SPTB: variants seen among roughly 807,000 people sequenced by gnomAD.
SPTB encodes the protein spectrin beta, erythrocytic, also known as spectrin beta chain, erythrocytic.
A neutral mutation model predicts 256.2 loss-of-function variants in SPTB; 45 were observed. The observed-to-expected ratio is 0.18, with a 90% CI of 0.14 to 0.23. The LOEUF (loss-of-function observed/expected upper bound fraction) is 0.23, where lower values mean the gene tolerates loss of function less well. SPTB is among the 10% of genes least tolerant of loss of function. The pLI is 1.00. For synonymous variants in SPTB, 1,231 were observed against 1,243.1 expected (o/e 0.99, Z 0.21); for missense variants, 2,715 against 3,040.4 (o/e 0.89, Z 2.52).
At chr14:64,773,056 GA>G in intron 25 of SPTB, 102 bp from the exon 26 acceptor site, 1 of 1,563,140 alleles carries the variant, frequency 6.4e-7, no homozygotes, top group South Asian at 1.1e-5. Context: ...GCAGCTCCGG[GA>G]GCTGCGCTGT....
chr14:64,749,239 GAGGCCA>G lies in SPTB; in HGVS notation c.*61_*66del, dbSNP rs1253763156. 1 of 1,522,948 alleles carries G rather than the reference GAGGCCA, an allele frequency of 6.6e-7. No individual in the cohort carries two copies. The highest frequency in any genetic ancestry group is 8.8e-7 in the Non-Finnish European group (1 of 1,136,108). The allele number at this position is 1,522,948 out of a possible 1,614,324, so 94.3% of individuals were successfully genotyped here. A position where few individuals can be genotyped will look rare whatever the true frequency, so the allele number is the denominator to read the frequency against. ...TTCGACCGGCGGGCGGCGGCGAGAG[GAGGCCA>G]AGGCCTGGGCTGCCCGGTCTCTGCG... On this transcript the variant is annotated 3_prime_UTR_variant, in exon 36 of 36. Transcript: ENST00000644917. This position sits in a 1 kb window ranked among gnomAD's most constrained non-coding sequence, Gnocchi z 4.7.
At chr14:64,803,258 A>G (rs2082921791) in intron 4 of SPTB, among the ~76,000 whole-genome samples, 1 of 152,124 alleles carries the variant, frequency 6.6e-6, no homozygotes, top group Non-Finnish European at 1.5e-5. Context: ...CTTCTACACA[A>G]TTTTTGCAAT....
intron 33 of SPTB, chr14:64,752,166 A>C: frequency 7.5e-7 from 1 of 1,336,366 alleles, no homozygotes; most frequent in Admixed American, 2.0e-5. Flanking sequence ...TTGGTGAGGG[A>C]ATCAAACTGA....
rs866497062 is a variant in SPTB at position 64,807,230 on chromosome 14, A to G, written c.149-2140T>C. Among the ~76,000 whole-genome samples the G allele has an allele frequency of 7.2e-5, 11 of 152,314 alleles. No individual in the cohort carries two copies. Among genetic ancestry groups the G allele is most frequent in the African/African-American group, 2.6e-4 (11 of 41,584 alleles). On this transcript the variant is annotated intron_variant, in intron 2 of 35. Transcript: ENST00000644917. The surrounding 1 kb of genome is among the most constrained non-coding windows in gnomAD (Gnocchi z 4.7). ...CCCCTTTAGAGGTAGGTGTCCCCCAAAGTGAAAGTATTTCTTCCTCCTTTT... is the reference window on the plus strand; with the variant it reads ...CCCCTTTAGAGGTAGGTGTCCCCCAGAGTGAAAGTATTTCTTCCTCCTTTT...
At chr14:64,828,660 G>A (rs2083408366) in intron 1 of SPTB, among the ~76,000 whole-genome samples, 1 of 152,176 alleles carries the variant, frequency 6.6e-6, no homozygotes, top group Admixed American at 6.5e-5. Flanking sequence ...TTGTGACCCA[G>A]TCCTACCTCC....
Position 64,775,374 on chromosome 14 carries a change from C to T in SPTB, c.4593G>A (p.Thr1531=), listed in dbSNP as rs748749098. The T allele has an allele frequency of 6.8e-6, 11 of 1,612,784 alleles. No homozygotes were observed. Among genetic ancestry groups the T allele is most frequent in the South Asian group, 4.4e-5 (4 of 91,034 alleles). Residue 1531 remains threonine (T), a synonymous_variant, in exon 23 of 36, where the codon ACG becomes ACA. Transcript: ENST00000644917. This position sits in a 1 kb window ranked among gnomAD's most constrained non-coding sequence, Gnocchi z 5.0. ...TCTGCAGCACATCCTCAACCCGCGGCGTATGGCCCAGAATCTCATTCTGCA... is the reference window on the plus strand; with the variant it reads ...TCTGCAGCACATCCTCAACCCGCGGTGTATGGCCCAGAATCTCATTCTGCA... ...QTLQNEILGH[T]PRVEDVLQRG...
At chr14:64,767,412 CG>C in intron 30 of SPTB, 60 bp from the exon 31 acceptor site, 1 of 1,607,344 alleles carries the variant, frequency 6.2e-7, no homozygotes, top group Non-Finnish European at 8.5e-7. Context: ...TGTTCTCAGA[CG>C]ATCTCCCTCT....
In SPTB at chr14:64,782,270, T is replaced by A. The variant is rs926115205; in HGVS notation, c.4266+20A>T. On this transcript the variant is annotated intron_variant, in intron 20 of 35. Coordinates refer to ENST00000644917, the MANE Select transcript of SPTB (RefSeq NM_001355436.2). The stretch of plus-strand genomic sequence containing the variant: ...ATCCCTTCTATCCTAACACTCTGAG[T>A]CTACAACCCACTCACGTGCCTTCAG... 1.2e-6 allele frequency: 2 copies of A among 1,613,952 alleles called. No individual in the cohort carries two copies. Among genetic ancestry groups the A allele is most frequent in the East Asian group, 2.2e-5 (1 of 44,898 alleles).
At chr14:64,855,473 T>C (rs1292000172) in intron 1 of SPTB, among the ~76,000 whole-genome samples, 1 of 152,204 alleles carries the variant, frequency 6.6e-6, no homozygotes, top group Non-Finnish European at 1.5e-5. Context: ...CAAATATTCA[T>C]CATCCCTTGT....
chr14:64,765,816 GTGTGAGTGTGTGTGTGT>G (rs2082162735), intron 32 of SPTB, among the ~76,000 whole-genome samples: 2 of 143,736 alleles, frequency 1.4e-5, no homozygotes, highest in African/African-American at 5.5e-5. Context: ...GTGTGTGTGT[GTGTGAGTGTGTGTGTGT>G]GTGGGGGTGT....
At chr14:64,817,179 G>T (rs547976942) in intron 2 of SPTB, among the ~76,000 whole-genome samples, 1 of 145,822 alleles carries the variant, frequency 6.9e-6, no homozygotes, top group South Asian at 2.2e-4. Context: ...GGGGAAACCT[G>T]CCCCGGGCCA....
intron 15 of SPTB, among the ~76,000 whole-genome samples, chr14:64,789,971 T>C (rs564062660): frequency 1.3e-5 from 2 of 152,254 alleles, no homozygotes; most frequent in East Asian, 3.9e-4. Flanking sequence ...TGAAAAATAA[T>C]TGAAGAGCTA....
At chr14:64,850,616 G>A (rs1339194803) in intron 1 of SPTB, among the ~76,000 whole-genome samples, 4 of 152,194 alleles carry the variant, frequency 2.6e-5, no homozygotes, top group African/African-American at 9.6e-5. Flanking sequence ...ACAATGAAGA[G>A]TTCAATTCTT....
rs964925369 is a variant in SPTB at position 64,844,640 on chromosome 14, C to T, written c.-51-21495G>A. 6.6e-6 allele frequency among the ~76,000 whole-genome samples: 1 copy of T among 152,164 alleles called. No individual in the cohort carries two copies. Among genetic ancestry groups the T allele is most frequent in the Non-Finnish European group, 1.5e-5 (1 of 68,028 alleles). On this transcript the variant is annotated intron_variant, in intron 1 of 35. Coordinates refer to ENST00000644917, the MANE Select transcript of SPTB (RefSeq NM_001355436.2). This position sits in a 1 kb window ranked among gnomAD's most constrained non-coding sequence, Gnocchi z 4.1. ...AATTTCAGCTTTGTTAATAACAGTC[C>T]AGCAATTCACATTAACATTTAGCAG... is the stretch of plus-strand genomic sequence containing the variant.
chr14:64,797,701 C>CAATGCATAACGGAA, intron 10 of SPTB, 28 bp downstream of exon 10: 1 of 1,502,838 alleles, frequency 6.7e-7, no homozygotes, highest in South Asian at 1.1e-5. Context: ...AATCTACTGT[C>CAATGCATAACGGAA]AATGCATAAC....
intron 3 of SPTB, among the ~76,000 whole-genome samples, chr14:64,804,515 G>A (rs576059034): frequency 9.2e-5 from 14 of 152,290 alleles, no homozygotes; most frequent in African/African-American, 2.4e-4. Context: ...CAGTATTGCC[G>A]GTGGGTTACA....
chr14:64,803,329 T>C (rs1278653634), intron 4 of SPTB, among the ~76,000 whole-genome samples: 1 of 152,114 alleles, frequency 6.6e-6, no homozygotes, highest in African/African-American at 2.4e-5. Context: ...GCTAAAAAGC[T>C]AATCTTCCAG....
intron 24 of SPTB, 139 bp from the exon 25 acceptor site, chr14:64,773,563 C>T (rs2082311307): frequency 3.2e-6 from 3 of 925,410 alleles, no homozygotes; most frequent in African/African-American, 1.6e-5. Flanking sequence ...ATGACAGGGG[C>T]TTTGCCGGGG....
intron 7 of SPTB, 123 bp from the exon 8 acceptor site, chr14:64,800,991 G>A: frequency 1.3e-6 from 1 of 772,830 alleles, no homozygotes; most frequent in Non-Finnish European, 2.3e-6. Context: ...ACAACCAACA[G>A]AGCAAGAATG....
Sources: allele counts gnomAD v4.1 joint callset (sites outside exome capture counted in the v4.1 genomes callset), GRCh38; gene constraint gnomAD v4.1.1; non-coding constraint Gnocchi (gnomAD v3.1); transcripts MANE v1.5; gene names NCBI Gene and HGNC (gene_info 2026-07-23, HGNC 2026-07-21).